Variants in PCLO observed in about 807,000 individuals in gnomAD.
The protein encoded by PCLO is piccolo presynaptic cytomatrix protein, also known as protein piccolo.
In PCLO, 82 loss-of-function variants were observed where a neutral mutation model predicts 427.5. That is an observed-to-expected ratio of 0.19 (90% confidence interval 0.16 to 0.23). The LOEUF is 0.23. Ranked by LOEUF, PCLO falls within the 10% of genes least tolerant of loss-of-function variation. The pLI is 1.00. For synonymous variants in PCLO, 2,357 were observed against 2,155.4 expected (o/e 1.09, Z -2.59); for missense variants, 6,239 against 6,115.9 (o/e 1.02, Z -0.67).
At chr7:82,842,179 C>A (rs1160691407) in intron 13 of PCLO, among the ~76,000 whole-genome samples, 1 of 152,012 alleles carries the variant, frequency 6.6e-6, no homozygotes, top group East Asian at 1.9e-4. Flanking sequence ...CATGGTATGG[C>A]TTAAAAGCAG....
intron 3 of PCLO, among the ~76,000 whole-genome samples, chr7:83,115,379 T>G (rs2116539288): frequency 6.6e-6 from 1 of 152,170 alleles, no homozygotes; most frequent in Middle Eastern, 3.4e-3. Context: ...GGGTAAAATG[T>G]ATAATAGTTA....
intron 3 of PCLO, among the ~76,000 whole-genome samples, chr7:83,020,537 G>A (rs986904767): frequency 2.6e-5 from 4 of 152,084 alleles, no homozygotes; most frequent in Admixed American, 6.6e-5. Context: ...AGGGCATAGC[G>A]TTTTGTCTCT....
intron 2 of PCLO, among the ~76,000 whole-genome samples, chr7:83,147,968 C>T (rs1367150495): frequency 1.3e-5 from 2 of 151,680 alleles, no homozygotes; most frequent in Non-Finnish European, 2.9e-5. Context: ...CCTTGTTATC[C>T]AAGGTGAATT....
At chr7:83,000,978 T>A (rs1562910748) in intron 3 of PCLO, among the ~76,000 whole-genome samples, 2 of 152,190 alleles carry the variant, frequency 1.3e-5, no homozygotes, top group South Asian at 2.1e-4. Context: ...GAGTTTTTCA[T>A]GAAGCCAAAC....
At chr7:82,958,487 A>G (rs893825441) in intron 4 of PCLO, among the ~76,000 whole-genome samples, 1 of 152,026 alleles carries the variant, frequency 6.6e-6, no homozygotes, top group Non-Finnish European at 1.5e-5. Context: ...ATCTAAATAT[A>G]TACCTTTATT....
intron 22 of PCLO, among the ~76,000 whole-genome samples, chr7:82,768,710 C>A (rs778002707): frequency 7.2e-5 from 11 of 151,990 alleles, no homozygotes; most frequent in African/African-American, 1.2e-4. Flanking sequence ...TCTTCCACAG[C>A]AATTCTTAAA....
At chr7:82,923,725 A>G (rs755499910) in intron 6 of PCLO, among the ~76,000 whole-genome samples, 7 of 152,124 alleles carry the variant, frequency 4.6e-5, no homozygotes, top group Non-Finnish European at 1.0e-4. Context: ...ATGTTTTCCT[A>G]TGACAGCCAG....
intron 2 of PCLO, among the ~76,000 whole-genome samples, chr7:83,136,971 T>C (rs1791746523): frequency 6.6e-6 from 1 of 152,136 alleles, no homozygotes. Flanking sequence ...CAAAATAATT[T>C]AGAATATATA....
intron 6 of PCLO, among the ~76,000 whole-genome samples, chr7:82,921,063 G>A (rs1247370667): frequency 1.3e-5 from 2 of 151,720 alleles, no homozygotes; most frequent in Non-Finnish European, 1.5e-5. Flanking sequence ...CTAGATGGAA[G>A]AAATCTACAC....
chr7:83,123,976 A>AAAAAAAAAAAAAC (rs1791355856), intron 3 of PCLO, among the ~76,000 whole-genome samples: 1 of 149,572 alleles, frequency 6.7e-6, no homozygotes, highest in African/African-American at 2.4e-5. Flanking sequence ...AAAAAAAAAA[A>AAAAAAAAAAAAAC]AAAAGGCAAA....
chr7:82,982,847 T>C (rs2115787018), intron 3 of PCLO, among the ~76,000 whole-genome samples: 1 of 152,014 alleles, frequency 6.6e-6, no homozygotes, highest in African/African-American at 2.4e-5. Context: ...AGGGTTAGGA[T>C]TTACAATTAA....
At chr7:83,129,790 T>G (rs954994842) in intron 3 of PCLO, among the ~76,000 whole-genome samples, 1 of 152,184 alleles carries the variant, frequency 6.6e-6, no homozygotes, top group African/African-American at 2.4e-5. Context: ...AAATGTTATA[T>G]GTTTACTCAG....
chr7:82,901,871 A>G (rs1432036893), intron 9 of PCLO, among the ~76,000 whole-genome samples: 6 of 151,840 alleles, frequency 4.0e-5, no homozygotes, highest in South Asian at 2.1e-4. Context: ...CAAAACAACA[A>G]TGAGATACCA....
intron 3 of PCLO, among the ~76,000 whole-genome samples, chr7:83,050,475 C>T (rs1313964101): frequency 1.3e-5 from 2 of 151,510 alleles, no homozygotes; most frequent in Non-Finnish European, 2.9e-5. Flanking sequence ...CTGTTGACTT[C>T]TAAATTGAAA....
chr7:82,868,541 A>G (rs1793153064), intron 10 of PCLO, among the ~76,000 whole-genome samples: 1 of 152,212 alleles, frequency 6.6e-6, no homozygotes, highest in South Asian at 2.1e-4. Context: ...AAAAACTAAG[A>G]ATATAAAAGT....
intron 3 of PCLO, among the ~76,000 whole-genome samples, chr7:83,123,083 A>G (rs1401080096): frequency 6.6e-6 from 1 of 152,198 alleles, no homozygotes; most frequent in Non-Finnish European, 1.5e-5. Context: ...ATACAATGCA[A>G]TCTCTATCAA....
At position 82,916,809 on chromosome 7, in the gene PCLO, T is replaced by C; in HGVS notation, c.11177A>G (p.Asn3726Ser). The change falls in exon 7 of 25, where the codon AAT becomes AGT. Residue 3726 changes from asparagine (N) to serine (S), a missense_variant. Transcript: ENST00000333891. ...TGTGGAAATCTCCTCAGGAGGTGGA[T>C]TTGGCAGAGTTCTTTTAACTTTTTT... ...AQKKVKRTLP[N>S]PPPEEISTGT... 1 of 1,613,590 alleles carries C rather than the reference T, an allele frequency of 6.2e-7. No homozygotes were observed. The highest frequency in any genetic ancestry group is 8.5e-7 in the Non-Finnish European group (1 of 1,179,624).
At chr7:82,826,529 C>T (rs929558651) in intron 18 of PCLO, 60 bp downstream of exon 18, 14 of 1,082,884 alleles carry the variant, frequency 1.3e-5, no homozygotes, top group East Asian at 9.7e-5. Context: ...TGCTTTGCAT[C>T]GTGCTTTAAT....
rs926610039 is a variant in PCLO at position 83,134,810 on chromosome 7, C to T, written c.2740G>A (p.Asp914Asn). 1.2e-6 allele frequency: 2 copies of T among 1,613,768 alleles called. No homozygotes were observed. Among genetic ancestry groups the T allele is most frequent in the Middle Eastern group, 1.7e-4 (1 of 6,060 alleles). The change falls in exon 3 of 25, where the codon GAT (aspartate) becomes AAT (asparagine). Residue 914 changes from aspartate (D) to asparagine (N), a missense_variant. Asp to Asn is a conservative substitution (Grantham distance 23). Around this residue, in one of 5 missense-constraint regions of PCLO, gnomAD observed 4,677 missense variants for 4,468.4 expected, o/e 1.05. Coordinates refer to ENST00000333891, the MANE Select transcript of PCLO (RefSeq NM_033026.6). Reference sequence around the variant, plus strand: ...GTTGTAGGCTGTGATTTGGGGGCATCAGTAATACTTCCCAGATTCAGACTG... The same window carrying T: ...GTTGTAGGCTGTGATTTGGGGGCATTAGTAATACTTCCCAGATTCAGACTG... ...RFSLNLGSIT[D>N]APKSQPTTPQ...
Sources: gnomAD v4.1 joint callset for allele counts (sites outside exome capture counted in the v4.1 genomes callset) on GRCh38, gnomAD v4.1.1 for gene constraint, gnomAD v4.1.1 regional missense constraint, MANE v1.5 for transcripts, NCBI Gene and HGNC (gene_info 2026-07-23, HGNC 2026-07-21) for gene names.